Variants in DPP10 observed in about 807,000 individuals in gnomAD.
The protein encoded by DPP10 is inactive dipeptidyl peptidase 10.
In DPP10, 33 loss-of-function variants were observed where a neutral mutation model predicts 120.9. The ratio of observed to expected loss-of-function variants is 0.27; its 90% CI spans 0.21 to 0.37. The LOEUF (loss-of-function observed/expected upper bound fraction) is 0.37. Among genes scored for constraint, DPP10 ranks in the 10% least tolerant of loss-of-function variants. The pLI, the probability that DPP10 is intolerant of heterozygous loss-of-function variation, is 1.00. For synonymous variants in DPP10, 337 were observed against 326.1 expected, an observed-to-expected ratio of 1.03 and a Z score of -0.36; for missense variants, 816 against 942.8, an observed-to-expected ratio of 0.87 and a Z score of 1.76.
In DPP10 at chr2:114,904,896, C is replaced by A. The variant is rs900450054; in HGVS notation, c.61-404343C>A. ...GCAGAACTCGCTAGCAGAGCCTTGG[C>A]AGCAGGTTCTTAGGGATGAGGTTTT... On this transcript the variant is annotated intron_variant, in intron 1 of 25. Transcript: ENST00000410059. 3.9e-5 allele frequency among the ~76,000 whole-genome samples: 6 copies of A among 152,076 alleles called. No individual in the cohort carries two copies. The East Asian group carries it at 1.2e-3, about 29-fold the overall frequency.
intron 5 of DPP10, among the ~76,000 whole-genome samples, chr2:115,609,115 G>A (rs917414544): frequency 2.0e-5 from 3 of 152,060 alleles, no homozygotes; most frequent in African/African-American, 2.4e-5. Flanking sequence ...AGAAGAAACA[G>A]CAGATTTGAA....
intron 3 of DPP10, among the ~76,000 whole-genome samples, chr2:115,464,116 G>A (rs150580445): frequency 6.6e-6 from 1 of 152,062 alleles, no homozygotes; most frequent in African/African-American, 2.4e-5. Context: ...CCACTTTGCC[G>A]GTCCAACTCT....
intron 5 of DPP10, among the ~76,000 whole-genome samples, chr2:115,660,655 C>CTTTTTTTTGTTTTTTTTTTT (rs2088852748): frequency 4.0e-5 from 1 of 25,314 alleles, no homozygotes; most frequent in African/African-American, 9.5e-5. Context: ...CTCTGTCTGG[C>CTTTTTTTTGTTTTTTTTTTT]TTTTTTTTTT....
At chr2:114,589,046 G>GGT (rs1553466514) in intron 1 of DPP10, among the ~76,000 whole-genome samples, 1 of 149,690 alleles carries the variant, frequency 6.7e-6, no homozygotes, top group Non-Finnish European at 1.5e-5. Flanking sequence ...TTGGGGGGGG[G>GGT]GGTAGGGGAC....
chr2:114,625,799 A>G (rs1038152792), intron 1 of DPP10, among the ~76,000 whole-genome samples: 1 of 151,956 alleles, frequency 6.6e-6, no homozygotes, highest in African/African-American at 2.4e-5. Context: ...TCTTGTCAAC[A>G]TATAAGATAT....
intron 1 of DPP10, among the ~76,000 whole-genome samples, chr2:114,855,251 TA>T (rs1689282092): frequency 6.6e-6 from 1 of 152,184 alleles, no homozygotes; most frequent in Admixed American, 6.5e-5. Context: ...TCATTTGACA[TA>T]AGGCAGGCAT....
At chr2:115,468,936 T>A in intron 3 of DPP10, 1 of 297,632 alleles carries the variant, frequency 3.4e-6, no homozygotes, top group Non-Finnish European at 6.5e-6. Context: ...TGAGTGGTCT[T>A]AAGCTGTTCT....
rs1280430406 is a variant in DPP10, at chr2:114,497,068, C to CACATAT, written c.60+54241_60+54246dup. 2.7e-5 allele frequency among the ~76,000 whole-genome samples: 4 copies of CACATAT among 149,322 alleles called. No homozygotes were observed. In the East Asian group the frequency reaches 8.0e-4, roughly 30 times the overall value. On this transcript the variant is annotated intron_variant, in intron 1 of 25. Coordinates refer to ENST00000410059, the MANE Select transcript of DPP10 (RefSeq NM_020868.6). ...ATGCATACACATACATATATACATA[C>CACATAT]ACATATACATATACATGTACATGTA...
chr2:115,002,067 A>G (rs1701478528), intron 1 of DPP10, among the ~76,000 whole-genome samples: 1 of 152,224 alleles, frequency 6.6e-6, no homozygotes, highest in Non-Finnish European at 1.5e-5. Flanking sequence ...AAGCCCAAAT[A>G]GCCAAGGCAA....
chr2:115,764,368 C>T (rs1204902014), intron 12 of DPP10, among the ~76,000 whole-genome samples: 1 of 151,810 alleles, frequency 6.6e-6, no homozygotes, highest in African/African-American at 2.4e-5. Flanking sequence ...TGTGTCTTTG[C>T]ACATGGTTAT....
At chr2:115,155,353 A>G (rs553440981) in intron 1 of DPP10, among the ~76,000 whole-genome samples, 4 of 152,186 alleles carry the variant, frequency 2.6e-5, no homozygotes, top group Admixed American at 1.3e-4. Flanking sequence ...GATCAGTTAT[A>G]TTCGGGAAGA....
chr2:115,446,279 C>T (rs2072577727), intron 3 of DPP10, among the ~76,000 whole-genome samples: 1 of 152,154 alleles, frequency 6.6e-6, no homozygotes, highest in Admixed American at 6.5e-5. Context: ...AGGGGCAGAA[C>T]CCTCATGGAA....
chr2:114,589,688 A>G (rs1182028286), intron 1 of DPP10, among the ~76,000 whole-genome samples: 1 of 152,198 alleles, frequency 6.6e-6, no homozygotes, highest in Non-Finnish European at 1.5e-5. Flanking sequence ...CTGGTTACCA[A>G]ATTTTTCATT....
intron 1 of DPP10, among the ~76,000 whole-genome samples, chr2:114,452,975 T>C (rs1486284747): frequency 1.3e-5 from 2 of 152,130 alleles, no homozygotes; most frequent in Non-Finnish European, 2.9e-5. Context: ...ACAACTCTTG[T>C]TGGTTAGAAC....
chr2:114,700,093 C>T (rs992305397), intron 1 of DPP10, among the ~76,000 whole-genome samples: 6 of 152,074 alleles, frequency 3.9e-5, no homozygotes, highest in African/African-American at 1.4e-4. Flanking sequence ...ATGGAACCAG[C>T]TTAATCCTAA....
chr2:115,558,027 A>G (rs898153633), intron 5 of DPP10, among the ~76,000 whole-genome samples: 2 of 152,140 alleles, frequency 1.3e-5, no homozygotes, highest in South Asian at 4.1e-4. Context: ...CGATGTATAT[A>G]TTTTATAAGA....
chr2:115,295,745 T>A (rs1003603653), intron 1 of DPP10, among the ~76,000 whole-genome samples: 5 of 152,102 alleles, frequency 3.3e-5, no homozygotes, highest in African/African-American at 1.2e-4. Flanking sequence ...AATTGATGTC[T>A]TAGCTGTAGC....
At chr2:114,557,437 A>G (rs560813855) in intron 1 of DPP10, among the ~76,000 whole-genome samples, 1 of 152,286 alleles carries the variant, frequency 6.6e-6, no homozygotes, top group Admixed American at 6.5e-5. Flanking sequence ...ATTGAAAGAG[A>G]AGTGGAGACC....
chr2:115,423,500 A>G (rs1404622448), intron 3 of DPP10, among the ~76,000 whole-genome samples: 3 of 152,252 alleles, frequency 2.0e-5, no homozygotes, highest in East Asian at 1.9e-4. Context: ...TTTTCTTTGT[A>G]TATAGAGAGA....
Sources: allele counts gnomAD v4.1 joint callset (sites outside exome capture counted in the v4.1 genomes callset), GRCh38; gene constraint gnomAD v4.1.1; transcripts MANE v1.5; gene names NCBI Gene and HGNC (gene_info 2026-07-23, HGNC 2026-07-21).